Variants in DDX19B observed in about 807,000 individuals in gnomAD.
DDX19B encodes DEAD-box helicase 19B.
DDX19B carries 27 observed loss-of-function variants against 58.1 expected under a neutral mutation model. That is an observed-to-expected ratio of 0.46 (90% confidence interval 0.34 to 0.64). DDX19B has a LOEUF of 0.64. DDX19B is among the 30% of genes least tolerant of loss of function. The pLI, the probability that DDX19B is intolerant of heterozygous loss-of-function variation, is 0.01. For synonymous variants in DDX19B, 187 were observed against 214.4 expected (o/e 0.87, Z 1.12); for missense variants, 399 against 596.5 (o/e 0.67, Z 3.45).
upstream of DDX19B, chr16:70,299,080 T>C: frequency 8.1e-7 from 1 of 1,232,090 alleles, no homozygotes. Context: ...TGCCCGGGGT[T>C]GAGGGGTACG....
chr16:70,299,069 C>T (rs1961336180), upstream of DDX19B: 5 of 1,163,044 alleles, frequency 4.3e-6, no homozygotes, highest in Non-Finnish European at 5.5e-6. Context: ...AAAGCTTGCT[C>T]TGCCCGGGGT....
rs539633121 is a variant in DDX19B, at chr16:70,302,277, A to C, written c.57+2923A>C. Among the ~76,000 whole-genome samples, 38 of 152,218 alleles carry C rather than the reference A, an allele frequency of 2.5e-4. 2 individuals are homozygous for C. The South Asian group carries it at 7.9e-3, about 32-fold the overall frequency. On this transcript the variant is annotated intron_variant, in intron 1 of 11. Coordinates refer to ENST00000288071, the MANE Select transcript of DDX19B (RefSeq NM_007242.7). ...TGGAGGTATAATTTACACAGAGTAA[A>C]ATTAAACTTTGTTAGTGTACAGTTC...
upstream of DDX19B, chr16:70,294,752 C>A: frequency 9.5e-7 from 1 of 1,052,400 alleles, no homozygotes; most frequent in Non-Finnish European, 1.3e-6. Context: ...AGCTGATTGG[C>A]TGACAGGATT....
At position 70,329,477 on chromosome 16, in the gene DDX19B, T is replaced by C. The variant is rs1963363013; in HGVS notation, c.785+8T>C. 1 of 1,613,520 alleles carries C rather than the reference T, an allele frequency of 6.2e-7. No homozygotes were observed. Among genetic ancestry groups the C allele is most frequent in the African/African-American group, 1.3e-5 (1 of 74,876 alleles). ...GAGCATCCGCATCCAGAGGTAGGGA[T>C]CTCGAGGGTGGGGGACTCCTCAGAT... On this transcript the variant is annotated splice_region_variant and intron_variant, in intron 8 of 11. Coordinates refer to ENST00000288071, the MANE Select transcript of DDX19B (RefSeq NM_007242.7).
At chr16:70,323,057 C>T (rs891842344) in intron 5 of DDX19B, among the ~76,000 whole-genome samples, 2 of 152,016 alleles carry the variant, frequency 1.3e-5, no homozygotes, top group African/African-American at 2.4e-5. Flanking sequence ...TCATTTTCCT[C>T]GTCCATATCT....
intron 7 of DDX19B, 68 bp downstream of exon 7, chr16:70,325,756 A>G: frequency 8.6e-7 from 1 of 1,163,162 alleles, no homozygotes; most frequent in South Asian, 1.3e-5. Flanking sequence ...TTCAAAACCC[A>G]CCCAATAGTT....
intron 4 of DDX19B, 157 bp downstream of exon 4, chr16:70,316,261 G>C: frequency 9.6e-7 from 1 of 1,046,416 alleles, no homozygotes; most frequent in Non-Finnish European, 1.3e-6. Context: ...CCAGGCTGGA[G>C]TGCAGTAGCG....
At chr16:70,311,030 CAA>C (rs59944573) in intron 1 of DDX19B, among the ~76,000 whole-genome samples, 34 of 108,570 alleles carry the variant, frequency 3.1e-4, no homozygotes, top group Admixed American at 4.8e-4. Flanking sequence ...GACTCTGTCT[CAA>C]AAAAAAAAAA....
chr16:70,332,837 C>T, intron 10 of DDX19B, 131 bp from the exon 11 acceptor site: 1 of 1,543,360 alleles, frequency 6.5e-7, no homozygotes, highest in East Asian at 2.3e-5. Flanking sequence ...GCTTCCTGCA[C>T]TCAATGTCAT....
In DDX19B at chr16:70,301,672, TTCTC is replaced by T. The variant is rs1961491403; in HGVS notation, c.57+2322_57+2325del. Among the ~76,000 whole-genome samples the T allele has an allele frequency of 2.0e-5, 3 of 151,644 alleles. No individual in the cohort carries two copies. The South Asian group carries it at 6.2e-4, about 32-fold the overall frequency. ...AATTCCCTCTTTTCCAGAACTCACT[TTCTC>T]TCTTTCTTTCTCTCTCTCTCTTTTT... On this transcript the variant is annotated intron_variant, in intron 1 of 11. Transcript: ENST00000288071.
At chr16:70,324,504 A>T in intron 5 of DDX19B, 81 bp from the exon 6 acceptor site, 1 of 1,277,272 alleles carries the variant, frequency 7.8e-7, no homozygotes, top group East Asian at 2.4e-5. Context: ...CCTATAAATG[A>T]ATTTTTAATA....
At chr16:70,322,366 G>A (rs988712718) in intron 5 of DDX19B, among the ~76,000 whole-genome samples, 1 of 151,522 alleles carries the variant, frequency 6.6e-6, no homozygotes, top group Admixed American at 6.6e-5. Context: ...TGAAGTGGGC[G>A]GATCACTTGA....
upstream of DDX19B, among the ~76,000 whole-genome samples, chr16:70,298,898 T>C (rs1961330634): frequency 6.6e-6 from 1 of 152,224 alleles, no homozygotes; most frequent in Admixed American, 6.5e-5. Flanking sequence ...TTTTGGTGAC[T>C]ATTGGTAATG....
At chr16:70,295,210 C>T, upstream of DDX19B, 1 of 561,488 alleles carries the variant, frequency 1.8e-6, no homozygotes, top group Non-Finnish European at 2.6e-6. Context: ...CAGGTTCCTT[C>T]TTAGCCGGAG....
upstream of DDX19B, among the ~76,000 whole-genome samples, chr16:70,291,686 C>T (rs1302008041): frequency 2.0e-5 from 3 of 152,088 alleles, no homozygotes; most frequent in African/African-American, 7.2e-5. Flanking sequence ...TGGCGGGCGC[C>T]TGTAGTCCCA....
At position 70,334,645 on chromosome 16, in the gene DDX19B, G is replaced by A. The variant is rs1963635946; in HGVS notation, c.*1063G>A. On this transcript the variant is annotated 3_prime_UTR_variant, in exon 12 of 12. Coordinates refer to ENST00000288071, the MANE Select transcript of DDX19B (RefSeq NM_007242.7). Reference sequence around the variant, plus strand: ...GGGCTTCTGAACATCTGTGTTTACTGCCTTTGGAATACAAACAGGTGCAAC... The same window carrying A: ...GGGCTTCTGAACATCTGTGTTTACTACCTTTGGAATACAAACAGGTGCAAC... The A allele has an allele frequency of 6.6e-6, 1 of 152,162 alleles. No individual in the cohort carries two copies. The highest frequency in any genetic ancestry group is 2.1e-4 in the South Asian group (1 of 4,832). The allele number at this position is 152,162 out of a possible 1,614,324, so 9.4% of individuals were successfully genotyped here.
intron 1 of DDX19B, among the ~76,000 whole-genome samples, chr16:70,302,304 A>G (rs557960401): frequency 7.0e-4 from 106 of 152,240 alleles, no homozygotes; most frequent in African/African-American, 2.4e-3. Context: ...GTACAGTTCT[A>G]TGAATTTTGA....
In DDX19B at chr16:70,334,204, G is replaced by A. The variant is rs1963621167; in HGVS notation, c.*622G>A. The A allele has an allele frequency of 6.4e-6, 1 of 156,896 alleles. No individual in the cohort carries two copies. The highest frequency in any genetic ancestry group is 1.4e-5 in the Non-Finnish European group (1 of 71,256). The allele number at this position is 156,896 out of a possible 1,614,324, so 9.7% of individuals were successfully genotyped here. A position where few individuals can be genotyped will look rare whatever the true frequency, so the allele number is the denominator to read the frequency against. ...GGACCAAAATGCCAACCTCTCGGTTGTGTATATGGGTTTGTGTCACAGGAC... is the reference window on the plus strand; with the variant it reads ...GGACCAAAATGCCAACCTCTCGGTTATGTATATGGGTTTGTGTCACAGGAC... On this transcript the variant is annotated 3_prime_UTR_variant, in exon 12 of 12. Transcript: ENST00000288071.
At chr16:70,294,759 G>A, upstream of DDX19B, 1 of 1,117,910 alleles carries the variant, frequency 8.9e-7, no homozygotes, top group South Asian at 1.7e-5. Flanking sequence ...TGGCTGACAG[G>A]ATTTCCAGGC....
Sources: gnomAD v4.1 joint callset for allele counts (sites outside exome capture counted in the v4.1 genomes callset) on GRCh38, gnomAD v4.1.1 for gene constraint, MANE v1.5 for transcripts, NCBI Gene and HGNC (gene_info 2026-07-23, HGNC 2026-07-21) for gene names.